The following NRROS variants were observed in gnomAD, a reference collection of about 807,000 sequenced individuals.
NRROS encodes negative regulator of reactive oxygen species.
In NRROS, 6 loss-of-function variants were observed where a neutral mutation model predicts 12.0. The ratio of observed to expected loss-of-function variants is 0.50; its 90% CI spans 0.27 to 0.98. NRROS has a LOEUF of 0.98. Ranked by LOEUF, NRROS falls within the 50% of genes least tolerant of loss-of-function variation. The pLI, the probability that NRROS is intolerant of heterozygous loss-of-function variation, is 0.11. For missense variants in NRROS, 857 were observed against 888.2 expected (o/e 0.96, Z 0.45); for synonymous variants, 462 against 410.2 (o/e 1.13, Z -1.53).
intron 1 of NRROS, among the ~76,000 whole-genome samples, chr3:196,650,202 C>T (rs1737395438): frequency 6.6e-6 from 1 of 152,214 alleles, no homozygotes; most frequent in African/African-American, 2.4e-5. Flanking sequence ...GGTTGGAGTG[C>T]AATAGCGAGA....
At chr3:196,641,326 G>T (rs938604448) in intron 1 of NRROS, among the ~76,000 whole-genome samples, 2 of 152,070 alleles carry the variant, frequency 1.3e-5, no homozygotes, top group African/African-American at 4.8e-5. Flanking sequence ...TAATGCTCCT[G>T]CTTCAGTCAC....
Position 196,661,071 on chromosome 3 carries a change from A to C in NRROS, c.1428A>C (p.Ala476=). The C allele has an allele frequency of 6.2e-7, 1 of 1,614,130 alleles. No individual in the cohort carries two copies. Among genetic ancestry groups the C allele is most frequent in the Non-Finnish European group, 8.5e-7 (1 of 1,180,026 alleles). Residue 476 remains alanine, a synonymous_variant, in exon 3 of 3, where the codon GCA becomes GCC. Coordinates refer to ENST00000328557, the MANE Select transcript of NRROS (RefSeq NM_198565.3). ...CTCTGGAGGGCTGTGGCCTGGGGGC[A>C]TTGCCAGACTGCCCATTCCAAGGGA... ...SLSLEGCGLG[A]LPDCPFQGTS...
At position 196,660,066 on chromosome 3, in the gene NRROS, A is replaced by C. The variant is rs199704677; in HGVS notation, c.423A>C (p.Gly141=). ...GCCTGCGGAGGCTGGACTTGTCAGGAAACGCCCTGACGGAGGACATGGCAG... is the reference window on the plus strand; with the variant it reads ...GCCTGCGGAGGCTGGACTTGTCAGGCAACGCCCTGACGGAGGACATGGCAG... ...LPGLRRLDLS[G]NALTEDMAAL... is the part of the protein sequence containing the mutation. The change falls in exon 3 of 3, where the codon GGA becomes GGC. Residue 141 remains glycine (G), a synonymous_variant. Coordinates refer to ENST00000328557, the MANE Select transcript of NRROS (RefSeq NM_198565.3). This position sits in a 1 kb window ranked among gnomAD's most constrained non-coding sequence, Gnocchi z 7.7. 27 of 1,613,292 alleles carry C rather than the reference A, an allele frequency of 1.7e-5. No individual in the cohort carries two copies. The African/African-American group carries it at 3.5e-4, about 21-fold the overall frequency.
chr3:196,656,940 C>T (rs1458173745), intron 2 of NRROS, among the ~76,000 whole-genome samples: 2 of 151,856 alleles, frequency 1.3e-5, no homozygotes, highest in Admixed American at 1.3e-4. Context: ...GCGGTGGCTC[C>T]CGCCTGTAAT....
At chr3:196,650,337 T>A (rs1737400147) in intron 1 of NRROS, among the ~76,000 whole-genome samples, 1 of 151,996 alleles carries the variant, frequency 6.6e-6, no homozygotes, top group Non-Finnish European at 1.5e-5. Flanking sequence ...AGAGACAGGG[T>A]TTCACCAGGT....
intron 1 of NRROS, among the ~76,000 whole-genome samples, chr3:196,645,576 C>T (rs570740339): frequency 7.2e-5 from 11 of 152,230 alleles, no homozygotes; most frequent in Middle Eastern, 3.4e-3. Context: ...GTGAAGAGCC[C>T]GGACAGAATC....
rs747143228 is a variant in NRROS at position 196,661,343 on chromosome 3, G to A, written c.1700G>A (p.Arg567Lys). 22 of 1,586,542 alleles carry A rather than the reference G, an allele frequency of 1.4e-5. No individual in the cohort carries two copies. The highest frequency in any genetic ancestry group is 1.8e-5 in the Non-Finnish European group (21 of 1,165,774). ...GCCCTGGAGACCCTGGATCTCCGTA[G>A]AAACTCGCTCACAGCCCTTCCCCAG... is the stretch of plus-strand genomic sequence containing the variant. ...SLALETLDLR[R>K]NSLTALPQKA... is the part of the protein sequence containing the mutation. Residue 567 changes from arginine to lysine, a missense_variant, in exon 3 of 3, where the codon AGA (arginine) becomes AAA (lysine). Transcript: ENST00000328557.
rs1269246306 is a variant in NRROS at position 196,661,072 on chromosome 3, T to C, written c.1429T>C (p.Leu477=). The C allele has an allele frequency of 6.2e-7, 1 of 1,613,982 alleles. No individual in the cohort carries two copies. Among genetic ancestry groups the C allele is most frequent in the East Asian group, 2.2e-5 (1 of 44,900 alleles). The change falls in exon 3 of 3, where the codon TTG becomes CTG. Residue 477 remains leucine (L), a synonymous_variant. Coordinates refer to ENST00000328557, the MANE Select transcript of NRROS (RefSeq NM_198565.3). ...TCTGGAGGGCTGTGGCCTGGGGGCA[T>C]TGCCAGACTGCCCATTCCAAGGGAC... ...LSLEGCGLGA[L]PDCPFQGTSL... is the part of the protein sequence containing the mutation.
intron 1 of NRROS, among the ~76,000 whole-genome samples, chr3:196,643,154 A>G (rs1737241290): frequency 1.3e-5 from 2 of 152,280 alleles, no homozygotes; most frequent in South Asian, 2.1e-4. Context: ...AAAAAAAGGA[A>G]AGAAAGGGGG....
At chr3:196,648,417 A>G (rs1560340611) in intron 1 of NRROS, among the ~76,000 whole-genome samples, 2 of 152,296 alleles carry the variant, frequency 1.3e-5, no homozygotes, top group Middle Eastern at 3.4e-3. Flanking sequence ...CTCATCACTT[A>G]GTGCCTATTT....
Position 196,661,750 on chromosome 3 carries a change from C to T in NRROS, c.*28C>T, listed in dbSNP as rs112213695. 1.9e-4 allele frequency: 302 copies of T among 1,556,616 alleles called. 1 individual carries two copies. Among genetic ancestry groups the T allele is most frequent in the African/African-American group, 1.5e-3 (108 of 74,306 alleles). Reference sequence around the variant, plus strand: ...TGGCTGTGTGCCAAGACTCGAAATTCGGTCCGCACACAACAGGACACTTTC... The same window carrying T: ...TGGCTGTGTGCCAAGACTCGAAATTTGGTCCGCACACAACAGGACACTTTC... On this transcript the variant is annotated 3_prime_UTR_variant, in exon 3 of 3. Transcript: ENST00000328557.
At position 196,661,472 on chromosome 3, in the gene NRROS, G is replaced by A. The variant is rs1375584936; in HGVS notation, c.1829G>A (p.Gly610Glu). The A allele has an allele frequency of 6.2e-7, 1 of 1,604,082 alleles. No individual in the cohort carries two copies. Among genetic ancestry groups the A allele is most frequent in the Admixed American group, 1.7e-5 (1 of 59,658 alleles). ...GVDGWGALQH[G>E]QTVADWAMVT... is the part of the protein sequence containing the mutation. ...GATGGCTGGGGGGCCCTGCAGCATG[G>A]GCAGACGGTGGCCGACTGGGCCATG... The change falls in exon 3 of 3, where the codon GGG (glycine) becomes GAG (glutamate). Residue 610 changes from glycine to glutamate, a missense_variant. By Grantham distance (98) the Gly-to-Glu change is moderately conservative (BLOSUM62 -2). Coordinates refer to ENST00000328557, the MANE Select transcript of NRROS (RefSeq NM_198565.3).
In NRROS at chr3:196,660,912, C is replaced by T. The variant is rs1737659590; in HGVS notation, c.1269C>T (p.Ala423=). 1.7e-5 allele frequency: 27 copies of T among 1,614,172 alleles called. No homozygotes were observed. Among genetic ancestry groups the T allele is most frequent in the Non-Finnish European group, 2.0e-5 (24 of 1,180,048 alleles). ...TGGGCGTCCCCCCTGGCCTCTTCGC[C>T]AATGCTAGGAACATCACTACACTTG... is the stretch of plus-strand genomic sequence containing the variant. The part of the protein sequence containing the change: ...QLLGVPPGLF[A]NARNITTLDM... Residue 423 remains alanine (A), a synonymous_variant, in exon 3 of 3, where the codon GCC becomes GCT. Transcript: ENST00000328557. This position sits in a 1 kb window ranked among gnomAD's most constrained non-coding sequence, Gnocchi z 7.7.
In NRROS at chr3:196,653,421, G is replaced by A. The variant is rs1339969413; in HGVS notation, c.-13-1106G>A. The stretch of plus-strand genomic sequence containing the variant: ...AAAGGAAAGAGGAGGCCCCTGAGTG[G>A]CTGGAGCGAGCAGGTGGGGTGAGCT... On this transcript the variant is annotated intron_variant, in intron 1 of 2. Transcript: ENST00000328557. Among the ~76,000 whole-genome samples, 4 of 152,236 alleles carry A rather than the reference G, an allele frequency of 2.6e-5. No individual in the cohort carries two copies. In the South Asian group the frequency reaches 8.3e-4, roughly 31 times the overall value.
chr3:196,641,882 G>A (rs1420111323), intron 1 of NRROS, among the ~76,000 whole-genome samples: 1 of 152,140 alleles, frequency 6.6e-6, no homozygotes. Context: ...TTTCAACCAC[G>A]ACTGAAAACA....
At chr3:196,645,864 G>A (rs1173735374) in intron 1 of NRROS, among the ~76,000 whole-genome samples, 5 of 152,158 alleles carry the variant, frequency 3.3e-5, no homozygotes, top group African/African-American at 1.2e-4. Flanking sequence ...AGGGGTGGGA[G>A]AAGGGACGAA....
In NRROS at chr3:196,660,559, G is replaced by A. The variant is rs766877865; in HGVS notation, c.916G>A (p.Val306Met). 5 of 1,614,004 alleles carry A rather than the reference G, an allele frequency of 3.1e-6. No individual in the cohort carries two copies. The highest frequency in any genetic ancestry group is 3.3e-5 in the Admixed American group (2 of 59,978). Residue 306 changes from valine to methionine, a missense_variant, in exon 3 of 3, where the codon GTG becomes ATG. By Grantham distance (21) the Val-to-Met change is conservative (BLOSUM62 1). Transcript: ENST00000328557. The surrounding 1 kb of genome is among the most constrained non-coding windows in gnomAD (Gnocchi z 7.7). ...PREMVAQFLL[V>M]DGNVTNITTV... ...GGAGATGGTGGCCCAGTTCCTCCTC[G>A]TGGACGGCAACGTGACCAACATCAC... is the stretch of plus-strand genomic sequence containing the variant.
chr3:196,640,103 A>C (rs1490031246), intron 1 of NRROS, among the ~76,000 whole-genome samples: 4 of 152,094 alleles, frequency 2.6e-5, no homozygotes, highest in Admixed American at 2.0e-4. Flanking sequence ...GAGCACTTAG[A>C]GCTGAGAAAG....
chr3:196,658,825 C>T (rs919788294), intron 2 of NRROS, among the ~76,000 whole-genome samples: 3 of 152,094 alleles, frequency 2.0e-5, no homozygotes, highest in Non-Finnish European at 4.4e-5. Context: ...AAAAAGTTAG[C>T]TGGGCGTGGT....
Sources: allele counts gnomAD v4.1 joint callset (sites outside exome capture counted in the v4.1 genomes callset), GRCh38; gene constraint gnomAD v4.1.1; non-coding constraint Gnocchi (gnomAD v3.1); transcripts MANE v1.5; gene names NCBI Gene and HGNC (gene_info 2026-07-23, HGNC 2026-07-21).